NTM: variants seen among roughly 807,000 people sequenced by gnomAD.
The protein encoded by NTM is IgLON family member 2.
Under a neutral mutation model 42.1 loss-of-function variants are expected in NTM, and 13 were observed. That is an observed-to-expected ratio of 0.31 (90% confidence interval 0.20 to 0.49). NTM has a LOEUF of 0.49. Among genes scored for constraint, NTM ranks in the 20% least tolerant of loss-of-function variants. NTM has a pLI of 0.99. For synonymous variants in NTM, 187 were observed against 179.2 expected (o/e 1.04, Z -0.35); for missense variants, 373 against 452.8 (o/e 0.82, Z 1.60).
intron 2 of NTM, among the ~76,000 whole-genome samples, chr11:132,056,916 A>G (rs1396337682): frequency 2.6e-5 from 4 of 152,212 alleles, no homozygotes; most frequent in African/African-American, 4.8e-5. Context: ...AGTCACCACC[A>G]GCTGTGCTGC....
chr11:132,334,975 G>C (rs1480770934), intron 8 of NTM, 71 bp from the exon 9 acceptor site: 3 of 1,576,186 alleles, frequency 1.9e-6, no homozygotes, highest in Non-Finnish European at 2.6e-6. Context: ...AATGACAGCA[G>C]ACCAGGCAAC....
chr11:131,994,577 G>A (rs769462698), intron 2 of NTM, among the ~76,000 whole-genome samples: 15 of 152,160 alleles, frequency 9.9e-5, no homozygotes, highest in Non-Finnish European at 1.6e-4. Flanking sequence ...AGATTTTGTT[G>A]AGGGAAGCAA....
chr11:131,680,511 CTGTG>C (rs5795738), intron 1 of NTM, among the ~76,000 whole-genome samples: 1 of 51,912 alleles, frequency 1.9e-5, no homozygotes, highest in African/African-American at 6.7e-5. Context: ...GCCTCTGTGT[CTGTG>C]TGAGATCATG....
At chr11:131,875,711 C>T (rs1200301725) in intron 1 of NTM, among the ~76,000 whole-genome samples, 4 of 152,270 alleles carry the variant, frequency 2.6e-5, no homozygotes, top group East Asian at 1.9e-4. Flanking sequence ...TTGGTAATGA[C>T]GACATTGAAA....
At chr11:131,820,312 G>C (rs892191874) in intron 1 of NTM, among the ~76,000 whole-genome samples, 2 of 152,112 alleles carry the variant, frequency 1.3e-5, no homozygotes, top group Non-Finnish European at 2.9e-5. Context: ...CAAGTGGTCC[G>C]TGGAGAGCAG....
At chr11:132,330,059 G>T in intron 7 of NTM, 94 bp from the exon 8 acceptor site, 1 of 1,530,182 alleles carries the variant, frequency 6.5e-7, no homozygotes, top group South Asian at 1.2e-5. Context: ...GCTGCGCCAG[G>T]AGCGCCAGCT....
chr11:132,117,608 G>C (rs2064088708), intron 2 of NTM, among the ~76,000 whole-genome samples: 1 of 152,198 alleles, frequency 6.6e-6, no homozygotes, highest in Non-Finnish European at 1.5e-5. Flanking sequence ...CTGTTGGGCT[G>C]ATGTGATATA....
Position 132,003,894 on chromosome 11 carries a change from T to C in NTM, c.167+92246T>C, listed in dbSNP as rs1173437807. Among the ~76,000 whole-genome samples the C allele has an allele frequency of 6.6e-6, 1 of 152,236 alleles. No homozygotes were observed. Among genetic ancestry groups the C allele is most frequent in the Admixed American group, 6.5e-5 (1 of 15,278 alleles). On this transcript the variant is annotated intron_variant, in intron 2 of 8. Transcript: ENST00000683400. The surrounding 1 kb of genome is among the most constrained non-coding windows in gnomAD (Gnocchi z 6.0). ...AAAGGTCAAGATTCTCATGTAGACT[T>C]CTTTTTGAACATTCTTTAGCCACTC...
At chr11:131,493,072 A>G (rs1433054254) in intron 1 of NTM, among the ~76,000 whole-genome samples, 1 of 151,942 alleles carries the variant, frequency 6.6e-6, no homozygotes, top group Non-Finnish European at 1.5e-5. Context: ...AGAAAAAAAT[A>G]CAAAAATTAG....
chr11:131,730,696 G>T (rs1165057754), intron 1 of NTM, among the ~76,000 whole-genome samples: 1 of 115,736 alleles, frequency 8.6e-6, no homozygotes, highest in African/African-American at 3.1e-5. Flanking sequence ...TCCAACCTGG[G>T]TGCCACAGTA....
chr11:131,988,951 A>T (rs1395519613), intron 2 of NTM, among the ~76,000 whole-genome samples: 1 of 152,226 alleles, frequency 6.6e-6, no homozygotes, highest in Admixed American at 6.5e-5. Context: ...AATATATAAA[A>T]ACTGAATAAA....
chr11:131,915,434 CTG>C (rs1241633349), intron 2 of NTM, among the ~76,000 whole-genome samples: 3 of 152,242 alleles, frequency 2.0e-5, no homozygotes, highest in Non-Finnish European at 4.4e-5. Context: ...GGCATGAGCA[CTG>C]TGTGCTGGCA....
rs571825713 is a variant in NTM at position 131,558,150 on chromosome 11, G to A, written c.82+187262G>A. ...CATTCTGTGCAAGGCGGATGCTTGA[G>A]GTTGATGTGGGCCTGTACTGAAGTT... On this transcript the variant is annotated intron_variant, in intron 1 of 8. Coordinates refer to ENST00000683400, the MANE Select transcript of NTM (RefSeq NM_001352005.2). Among the ~76,000 whole-genome samples the A allele has an allele frequency of 2.6e-5, 4 of 152,310 alleles. No individual in the cohort carries two copies. The East Asian group carries it at 5.8e-4, about 22-fold the overall frequency.
At chr11:131,483,063 G>T (rs749046901) in intron 1 of NTM, among the ~76,000 whole-genome samples, 4 of 152,152 alleles carry the variant, frequency 2.6e-5, no homozygotes, top group Non-Finnish European at 5.9e-5. Flanking sequence ...AATTGCATCA[G>T]GTTGTTGAAG....
At chr11:131,477,808 C>T (rs1232984741) in intron 1 of NTM, among the ~76,000 whole-genome samples, 1 of 151,566 alleles carries the variant, frequency 6.6e-6, no homozygotes, top group Non-Finnish European at 1.5e-5. Flanking sequence ...CATCCTGTTC[C>T]TTGTCCATCA....
intron 4 of NTM, among the ~76,000 whole-genome samples, chr11:132,253,818 T>C (rs1165443072): frequency 6.6e-6 from 1 of 152,154 alleles, no homozygotes; most frequent in Non-Finnish European, 1.5e-5. Context: ...GATAAAGACC[T>C]CCTCAGGCCT....
intron 2 of NTM, among the ~76,000 whole-genome samples, chr11:131,955,919 C>T (rs1032725275): frequency 2.0e-5 from 3 of 152,200 alleles, no homozygotes; most frequent in Admixed American, 2.0e-4. Flanking sequence ...GCCCCTGGAG[C>T]CTGTTCTTAA....
chr11:131,755,294 T>C (rs541550170), intron 1 of NTM, among the ~76,000 whole-genome samples: 2 of 152,198 alleles, frequency 1.3e-5, no homozygotes, highest in Non-Finnish European at 2.9e-5. Flanking sequence ...GGTACAATGT[T>C]TCACTCTTGG....
chr11:132,313,459 T>A (rs969245337), intron 6 of NTM, among the ~76,000 whole-genome samples: 2 of 150,534 alleles, frequency 1.3e-5, no homozygotes, highest in Non-Finnish European at 2.9e-5. Flanking sequence ...AGATCCTTCA[T>A]CAAGAAGGGG....
Sources: gnomAD v4.1 joint callset for allele counts (sites outside exome capture counted in the v4.1 genomes callset) on GRCh38, gnomAD v4.1.1 for gene constraint, Gnocchi (gnomAD v3.1) non-coding constraint, MANE v1.5 for transcripts, NCBI Gene and HGNC (gene_info 2026-07-23, HGNC 2026-07-21) for gene names.